The following CDH12 variants were observed in gnomAD, a reference collection of about 807,000 sequenced individuals.
CDH12 encodes cadherin 12.
A neutral mutation model predicts 74.1 loss-of-function variants in CDH12; 41 were observed. That is an observed-to-expected ratio of 0.55 (90% CI 0.43 to 0.72). The LOEUF (loss-of-function observed/expected upper bound fraction) is 0.72. Among genes scored for constraint, CDH12 ranks in the 30% least tolerant of loss-of-function variants. The pLI is 0.00. For missense variants in CDH12, 945 were observed against 977.2 expected, an observed-to-expected ratio of 0.97 and a Z score of 0.44; for synonymous variants, 399 against 355.0, an observed-to-expected ratio of 1.12 and a Z score of -1.39.
At chr5:22,195,940 T>C (rs928519935) in intron 4 of CDH12, among the ~76,000 whole-genome samples, 11 of 152,174 alleles carry the variant, frequency 7.2e-5, no homozygotes, top group African/African-American at 2.7e-4. Flanking sequence ...TAGCAATAAT[T>C]TTTTAAAAGA....
At chr5:22,126,001 G>GT (rs890513616) in intron 4 of CDH12, among the ~76,000 whole-genome samples, 38 of 28,498 alleles carry the variant, frequency 1.3e-3, no homozygotes, top group South Asian at 7.5e-3. Flanking sequence ...CATTCATTTT[G>GT]GGGGGGGGAC....
chr5:22,077,046 CAG>C (rs1742371316), intron 5 of CDH12, among the ~76,000 whole-genome samples: 1 of 85,506 alleles, frequency 1.2e-5, no homozygotes, highest in Non-Finnish European at 2.4e-5. Flanking sequence ...TGCTTAATGG[CAG>C]TGTGTGTGTG....
At chr5:22,542,566 T>A (rs894529068) in intron 1 of CDH12, among the ~76,000 whole-genome samples, 2 of 152,212 alleles carry the variant, frequency 1.3e-5, no homozygotes, top group Admixed American at 6.5e-5. Flanking sequence ...CTAAGTGGAC[T>A]TCCTTAAGAG....
chr5:22,467,488 T>C (rs908441779), intron 2 of CDH12, among the ~76,000 whole-genome samples: 3 of 152,158 alleles, frequency 2.0e-5, no homozygotes, highest in Non-Finnish European at 2.9e-5. Context: ...TTACATTCAT[T>C]TTCAGTCACC....
At chr5:22,621,261 C>T (rs1003772233) in intron 1 of CDH12, among the ~76,000 whole-genome samples, 4 of 152,140 alleles carry the variant, frequency 2.6e-5, no homozygotes, top group African/African-American at 4.8e-5. Context: ...CTTTCCAGCA[C>T]GAGTTCTGTA....
chr5:22,295,081 C>T (rs1737565105), intron 3 of CDH12, among the ~76,000 whole-genome samples: 1 of 152,148 alleles, frequency 6.6e-6, no homozygotes, highest in African/African-American at 2.4e-5. Flanking sequence ...TCCATTAGCT[C>T]CTCCTGTTGC....
chr5:22,071,978 T>C (rs544820051), intron 5 of CDH12, among the ~76,000 whole-genome samples: 8 of 152,264 alleles, frequency 5.3e-5, no homozygotes, highest in Admixed American at 5.2e-4. Context: ...CCATGATCAA[T>C]GAATCTTGAA....
At chr5:22,704,407 T>TG (rs1554060361) in intron 1 of CDH12, among the ~76,000 whole-genome samples, 4 of 151,040 alleles carry the variant, frequency 2.6e-5, no homozygotes, top group Non-Finnish European at 5.9e-5. Flanking sequence ...TGCAATCAAA[T>TG]TTTTTTTTAG....
chr5:22,147,810 A>G (rs1747304702), intron 4 of CDH12, among the ~76,000 whole-genome samples: 1 of 152,110 alleles, frequency 6.6e-6, no homozygotes, highest in African/African-American at 2.4e-5. Flanking sequence ...TAATTCAATT[A>G]TCTCCCACCA....
chr5:22,290,007 A>G (rs780608683), intron 3 of CDH12, among the ~76,000 whole-genome samples: 2 of 152,094 alleles, frequency 1.3e-5, no homozygotes, highest in Admixed American at 1.3e-4. Flanking sequence ...TGAGCGCTAC[A>G]ATGAGCCCCA....
rs1579901250 is a variant in CDH12, at chr5:21,882,516, A to T, written c.527-27726T>A. On this transcript the variant is annotated intron_variant, in intron 6 of 14. Coordinates refer to ENST00000382254, the MANE Select transcript of CDH12 (RefSeq NM_004061.5). ...ATTTGCTTTTTAAAAGTGATATATTAGCACTCTGTCCCTCACTCGCCGCCG... is the reference window on the plus strand; with the variant it reads ...ATTTGCTTTTTAAAAGTGATATATTTGCACTCTGTCCCTCACTCGCCGCCG... 4.8e-6 allele frequency: 4 copies of T among 830,214 alleles called. No individual in the cohort carries two copies. In the East Asian group the frequency reaches 9.9e-5, roughly 21 times the overall value. 51.4% of individuals were successfully genotyped at this position (830,214 alleles called of 1,614,324 possible). A position where few individuals can be genotyped will look rare whatever the true frequency, so the allele number is the denominator to read the frequency against.
At chr5:22,610,281 T>C (rs1737330542) in intron 1 of CDH12, among the ~76,000 whole-genome samples, 1 of 152,202 alleles carries the variant, frequency 6.6e-6, no homozygotes, top group African/African-American at 2.4e-5. Context: ...TCTTACCAAA[T>C]GGAACATCCA....
chr5:22,133,033 TTA>T (rs1322623637), intron 4 of CDH12, among the ~76,000 whole-genome samples: 2 of 152,160 alleles, frequency 1.3e-5, no homozygotes, highest in African/African-American at 4.8e-5. Flanking sequence ...TGAAATGATT[TTA>T]TCTGTTTGAA....
chr5:21,957,850 TC>T (rs536004225), intron 6 of CDH12, among the ~76,000 whole-genome samples: 30 of 152,312 alleles, frequency 2.0e-4, no homozygotes, highest in African/African-American at 6.5e-4. Context: ...AAATAGTTTC[TC>T]CCATTCTGTA....
At position 22,628,260 on chromosome 5, in the gene CDH12, T is replaced by C. The variant is rs114522116; in HGVS notation, c.-522-122896A>G. On this transcript the variant is annotated intron_variant, in intron 1 of 14. Coordinates refer to ENST00000382254, the MANE Select transcript of CDH12 (RefSeq NM_004061.5). ...CTTGACCATATAGACCTAACAGACA[T>C]CTAAAGAACTCTCCATCCAAAACAA... is the stretch of plus-strand genomic sequence containing the variant. Among the ~76,000 whole-genome samples, 286 of 152,198 alleles carry C rather than the reference T, an allele frequency of 1.9e-3. 1 individual carries two copies. Among genetic ancestry groups the C allele is most frequent in the Admixed American group, 3.3e-3 (50 of 15,290 alleles).
At chr5:21,927,119 G>A (rs1026826128) in intron 6 of CDH12, among the ~76,000 whole-genome samples, 4 of 152,278 alleles carry the variant, frequency 2.6e-5, no homozygotes, top group South Asian at 4.1e-4. Context: ...AATGGCAGAT[G>A]TGGAGTAAGT....
intron 3 of CDH12, among the ~76,000 whole-genome samples, chr5:22,318,368 A>C (rs1423113885): frequency 6.6e-6 from 1 of 152,132 alleles, no homozygotes; most frequent in Non-Finnish European, 1.5e-5. Flanking sequence ...TTAGCATGTT[A>C]CCTTGATGAT....
At position 22,448,029 on chromosome 5, in the gene CDH12, G is replaced by A. The variant is rs947648705; in HGVS notation, c.-427-42678C>T. Among the ~76,000 whole-genome samples the A allele has an allele frequency of 1.8e-4, 25 of 139,302 alleles. No homozygotes were observed. In the South Asian group the frequency reaches 5.9e-3, roughly 33 times the overall value. 91.4% of individuals were successfully genotyped at this position (139,302 alleles called of 152,430 possible). A position where few individuals can be genotyped will look rare whatever the true frequency, so the allele number is the denominator to read the frequency against. ...AAGCCAGGCATGGGGAGATATACCT[G>A]TAAACCCAGCTACTCAGGAGGCCAG... On this transcript the variant is annotated intron_variant, in intron 2 of 14. Coordinates refer to ENST00000382254, the MANE Select transcript of CDH12 (RefSeq NM_004061.5).
At chr5:22,378,836 G>C (rs1387921478) in intron 3 of CDH12, among the ~76,000 whole-genome samples, 2 of 151,988 alleles carry the variant, frequency 1.3e-5, no homozygotes, top group African/African-American at 2.4e-5. Context: ...TTTAGAAATT[G>C]CATTTATTTT....
Sources: gnomAD v4.1 joint callset for allele counts (sites outside exome capture counted in the v4.1 genomes callset) on GRCh38, gnomAD v4.1.1 for gene constraint, MANE v1.5 for transcripts, NCBI Gene and HGNC (gene_info 2026-07-23, HGNC 2026-07-21) for gene names.